Variants in CNTN5 observed in about 807,000 individuals in gnomAD.
CNTN5 encodes contactin 5.
CNTN5 carries 77 observed loss-of-function variants against 129.1 expected under a neutral mutation model. That is an observed-to-expected ratio of 0.60 (90% CI 0.50 to 0.72). The LOEUF is 0.72. CNTN5 is among the 30% of genes least tolerant of loss of function. CNTN5 has a pLI of 0.00. For missense variants in CNTN5, 1,478 were observed against 1,328.8 expected (o/e 1.11, Z -1.75); for synonymous variants, 509 against 465.6 (o/e 1.09, Z -1.20).
In CNTN5 at chr11:99,502,203, G is replaced by A. The variant is rs1216605489; in HGVS notation, c.-70-53942G>A. 2.0e-5 allele frequency among the ~76,000 whole-genome samples: 3 copies of A among 152,200 alleles called. No individual in the cohort carries two copies. In the East Asian group the frequency reaches 5.8e-4, roughly 29 times the overall value. ...ATCAACAGTCTGTATTGTAGAGGGT[G>A]AGAAAAACAGTACAGGTAGCAGGGT... On this transcript the variant is annotated intron_variant, in intron 2 of 24. Transcript: ENST00000524871.
At chr11:99,088,119 T>C (rs775658054) in intron 1 of CNTN5, among the ~76,000 whole-genome samples, 19 of 152,270 alleles carry the variant, frequency 1.2e-4, no homozygotes, top group Non-Finnish European at 1.2e-4. Flanking sequence ...TACAACTATT[T>C]CACCTCTTCT....
At position 99,864,427 on chromosome 11, in the gene CNTN5, C is replaced by T. The variant is rs141638019; in HGVS notation, c.577+19165C>T. Among the ~76,000 whole-genome samples the T allele has an allele frequency of 4.3e-3, 655 of 151,440 alleles. 1 individual carries two copies. The highest frequency in any genetic ancestry group is 8.8e-3 in the Admixed American group (133 of 15,138). On this transcript the variant is annotated intron_variant, in intron 6 of 24. Coordinates refer to ENST00000524871, the MANE Select transcript of CNTN5 (RefSeq NM_014361.4). ...TGGCACGTAATATTCTAATCTTAAC[C>T]CTCTCCATATCTTATTTGTGCACCC... is the stretch of plus-strand genomic sequence containing the variant.
At chr11:99,325,847 T>C (rs1865765096) in intron 2 of CNTN5, among the ~76,000 whole-genome samples, 1 of 152,190 alleles carries the variant, frequency 6.6e-6, no homozygotes, top group Non-Finnish European at 1.5e-5. Flanking sequence ...ATGATATCTT[T>C]CTCAACCGAC....
intron 7 of CNTN5, among the ~76,000 whole-genome samples, chr11:99,951,133 A>G (rs566135647): frequency 6.6e-6 from 1 of 152,260 alleles, no homozygotes; most frequent in East Asian, 1.9e-4. Context: ...TCATGTAGTT[A>G]GTAGGTCATG....
At chr11:99,532,806 ACT>A (rs1947762967) in intron 2 of CNTN5, among the ~76,000 whole-genome samples, 1 of 151,794 alleles carries the variant, frequency 6.6e-6, no homozygotes, top group African/African-American at 2.4e-5. Flanking sequence ...TCATATAAAA[ACT>A]CTTTTTCCTC....
chr11:99,207,408 G>A (rs1250734498), intron 1 of CNTN5, among the ~76,000 whole-genome samples: 1 of 152,152 alleles, frequency 6.6e-6, no homozygotes, highest in African/African-American at 2.4e-5. Flanking sequence ...TCATATTGCT[G>A]AAGCACACTC....
intron 9 of CNTN5, among the ~76,000 whole-genome samples, chr11:100,004,618 A>G (rs971070890): frequency 1.2e-4 from 19 of 152,310 alleles, no homozygotes; most frequent in Non-Finnish European, 2.4e-4. Context: ...AATTTAGTAA[A>G]GTGATGAGCT....
intron 9 of CNTN5, among the ~76,000 whole-genome samples, chr11:100,059,422 A>G (rs1245953323): frequency 6.6e-6 from 1 of 152,160 alleles, no homozygotes; most frequent in East Asian, 1.9e-4. Flanking sequence ...TATTACAGGC[A>G]CCATCATAAA....
intron 2 of CNTN5, among the ~76,000 whole-genome samples, chr11:99,328,032 C>G (rs180676279): frequency 6.6e-6 from 1 of 152,128 alleles, no homozygotes; most frequent in Non-Finnish European, 1.5e-5. Flanking sequence ...ATGTATGCAT[C>G]TCTTAGAGAG....
chr11:100,082,528 G>A (rs150190879), intron 13 of CNTN5, among the ~76,000 whole-genome samples: 1 of 152,224 alleles, frequency 6.6e-6, no homozygotes, highest in East Asian at 1.9e-4. Context: ...ATGGGCTTAA[G>A]CACTCCTCCC....
At chr11:100,243,666 C>A (rs994261917) in intron 16 of CNTN5, among the ~76,000 whole-genome samples, 1 of 152,236 alleles carries the variant, frequency 6.6e-6, no homozygotes, top group Admixed American at 6.5e-5. Context: ...ATGAGCAAAC[C>A]ATAAGGCATA....
At chr11:99,668,827 G>A (rs1952909442) in intron 3 of CNTN5, among the ~76,000 whole-genome samples, 1 of 152,022 alleles carries the variant, frequency 6.6e-6, no homozygotes, top group Admixed American at 6.6e-5. Flanking sequence ...CTAGCTACTC[G>A]GGAAGTTGAG....
intron 6 of CNTN5, among the ~76,000 whole-genome samples, chr11:99,903,675 T>C (rs1261740437): frequency 2.0e-5 from 3 of 152,128 alleles, no homozygotes; most frequent in Non-Finnish European, 2.9e-5. Flanking sequence ...GCCATCACCC[T>C]TGGTCAGAGG....
At chr11:99,925,992 G>T (rs1451733573) in intron 7 of CNTN5, among the ~76,000 whole-genome samples, 1 of 152,202 alleles carries the variant, frequency 6.6e-6, no homozygotes, top group East Asian at 1.9e-4. Context: ...CCATTGGTCT[G>T]TCTGTTAAAT....
rs1171180241 is a variant in CNTN5 at position 99,351,132 on chromosome 11, T to C, written c.-71+25648T>C. The stretch of plus-strand genomic sequence containing the variant: ...TGTATACCTAGGTAACAAAACTGCA[T>C]GTTCTACACATGTAACCCAGAACTT... On this transcript the variant is annotated intron_variant, in intron 2 of 24. Coordinates refer to ENST00000524871, the MANE Select transcript of CNTN5 (RefSeq NM_014361.4). Among the ~76,000 whole-genome samples, 4 of 151,974 alleles carry C rather than the reference T, an allele frequency of 2.6e-5. No individual in the cohort carries two copies. The East Asian group carries it at 7.7e-4, about 29-fold the overall frequency.
At chr11:99,602,331 A>C (rs1396372313) in intron 3 of CNTN5, among the ~76,000 whole-genome samples, 1 of 152,170 alleles carries the variant, frequency 6.6e-6, no homozygotes, top group Non-Finnish European at 1.5e-5. Flanking sequence ...AAATAGATTT[A>C]GTTAGTAGAA....
chr11:99,504,025 T>G (rs951183858), intron 2 of CNTN5, among the ~76,000 whole-genome samples: 2 of 152,174 alleles, frequency 1.3e-5, no homozygotes, highest in African/African-American at 4.8e-5. Flanking sequence ...AATTGTTCAA[T>G]GAGATGCTTG....
intron 3 of CNTN5, among the ~76,000 whole-genome samples, chr11:99,599,856 T>TA (rs1207358979): frequency 6.6e-6 from 1 of 152,102 alleles, no homozygotes; most frequent in Non-Finnish European, 1.5e-5. Flanking sequence ...AAAAGACATT[T>TA]AAAAGTCAAT....
chr11:99,939,826 C>T (rs1441801098), intron 7 of CNTN5, among the ~76,000 whole-genome samples: 1 of 152,040 alleles, frequency 6.6e-6, no homozygotes, highest in Non-Finnish European at 1.5e-5. Context: ...AGAACCTCCT[C>T]TATATGTTTG....
Sources: allele counts gnomAD v4.1 joint callset (sites outside exome capture counted in the v4.1 genomes callset), GRCh38; gene constraint gnomAD v4.1.1; transcripts MANE v1.5; gene names NCBI Gene and HGNC (gene_info 2026-07-23, HGNC 2026-07-21).